The following SV2B variants were observed in gnomAD, a reference collection of about 807,000 sequenced individuals.
The protein encoded by SV2B is synaptic vesicle glycoprotein 2B, also known as solute carrier family 22 member B2.
In SV2B, 41 loss-of-function variants were observed where a neutral mutation model predicts 73.9. The observed-to-expected ratio is 0.56, with a 90% CI of 0.43 to 0.72. The LOEUF is 0.72. Ranked by LOEUF, SV2B falls within the 30% of genes least tolerant of loss-of-function variation. The probability of loss-of-function intolerance (pLI) is 0.00; values close to 1 mark genes in which losing one functional copy is unlikely to be tolerated. For synonymous variants in SV2B, 314 were observed against 314.2 expected (o/e 1.00, Z 0.01); for missense variants, 764 against 857.8 (o/e 0.89, Z 1.37).
intron 1 of SV2B, among the ~76,000 whole-genome samples, chr15:91,208,107 C>T (rs1360527764): frequency 6.6e-6 from 1 of 152,190 alleles, no homozygotes. Flanking sequence ...GTAACATTTT[C>T]TGCACCCCAT....
At chr15:91,260,443 G>T in intron 6 of SV2B, 34 bp downstream of exon 6, 8 of 1,523,326 alleles carry the variant, frequency 5.3e-6, no homozygotes, top group Non-Finnish European at 7.1e-6. Context: ...TAAGAAGGGG[G>T]TTCTCCTCTT....
In SV2B at chr15:91,290,623, TC is replaced by T. The variant is rs765254523; in HGVS notation, c.1868+945del. Among the ~76,000 whole-genome samples, 3 of 152,134 alleles carry T rather than the reference TC, an allele frequency of 2.0e-5. No homozygotes were observed. The highest frequency in any genetic ancestry group is 2.9e-5 in the Non-Finnish European group (2 of 68,022). The stretch of plus-strand genomic sequence containing the variant: ...GAAAAAGTTAAAGATGCAATTGATA[TC>T]CATTTAATAATGGCAGACGTCATAA... On this transcript the variant is annotated intron_variant, in intron 12 of 12. Transcript: ENST00000394232. The surrounding 1 kb of genome is among the most constrained non-coding windows in gnomAD (Gnocchi z 4.7).
intron 1 of SV2B, among the ~76,000 whole-genome samples, chr15:91,184,641 T>G (rs1322462655): frequency 6.6e-6 from 1 of 152,220 alleles, no homozygotes; most frequent in Non-Finnish European, 1.5e-5. Flanking sequence ...GCCAGCTGCT[T>G]CTTCCTTTGT....
At chr15:91,255,894 T>A (rs1201755562) in intron 4 of SV2B, among the ~76,000 whole-genome samples, 2 of 152,240 alleles carry the variant, frequency 1.3e-5, no homozygotes, top group African/African-American at 4.8e-5. Context: ...ATGTGCCTAA[T>A]GCATTAATCT....
intron 1 of SV2B, among the ~76,000 whole-genome samples, chr15:91,168,273 G>T (rs938299589): frequency 6.8e-6 from 1 of 146,512 alleles, no homozygotes; most frequent in Admixed American, 6.8e-5. Flanking sequence ...TTGTGAATGG[G>T]TCTACCTTTG....
At chr15:91,173,286 C>T (rs2044188149) in intron 1 of SV2B, among the ~76,000 whole-genome samples, 1 of 152,064 alleles carries the variant, frequency 6.6e-6, no homozygotes, top group Admixed American at 6.5e-5. Flanking sequence ...AAGGAGAGTG[C>T]AGGAGAAGGA....
chr15:91,153,613 G>A (rs1028460985), intron 1 of SV2B, among the ~76,000 whole-genome samples: 1 of 152,138 alleles, frequency 6.6e-6, no homozygotes, highest in African/African-American at 2.4e-5. Flanking sequence ...GAGCTCTGAT[G>A]CTGAGATAAG....
At position 91,239,899 on chromosome 15, in the gene SV2B, T is replaced by A. The variant is rs2046937888; in HGVS notation, c.452-11920T>A. Among the ~76,000 whole-genome samples, 1 of 152,134 alleles carries A rather than the reference T, an allele frequency of 6.6e-6. No homozygotes were observed. Among genetic ancestry groups the A allele is most frequent in the African/African-American group, 2.4e-5 (1 of 41,420 alleles). On this transcript the variant is annotated intron_variant, in intron 2 of 12. Coordinates refer to ENST00000394232, the MANE Select transcript of SV2B (RefSeq NM_001323032.3). This position sits in a 1 kb window ranked among gnomAD's most constrained non-coding sequence, Gnocchi z 5.1. ...ATAGCCACCATAGCTCTAATCTAAG[T>A]CCCCCGATAATGGCTTTCCAATCAC...
At chr15:91,202,405 G>A (rs1022584203) in intron 1 of SV2B, among the ~76,000 whole-genome samples, 2 of 152,152 alleles carry the variant, frequency 1.3e-5, no homozygotes, top group Non-Finnish European at 1.5e-5. Context: ...TACTCACTCT[G>A]TATTAGTCAC....
intron 2 of SV2B, among the ~76,000 whole-genome samples, chr15:91,235,594 C>T (rs2046749493): frequency 6.6e-6 from 1 of 152,132 alleles, no homozygotes; most frequent in African/African-American, 2.4e-5. Flanking sequence ...ACACAAAACA[C>T]TCATTTTATC....
intron 1 of SV2B, among the ~76,000 whole-genome samples, chr15:91,186,258 C>T (rs2044765391): frequency 6.6e-6 from 1 of 151,988 alleles, no homozygotes; most frequent in African/African-American, 2.4e-5. Context: ...TTTGGCAGCT[C>T]AATGTCATAA....
intron 1 of SV2B, among the ~76,000 whole-genome samples, chr15:91,210,088 C>T (rs1273389579): frequency 2.0e-5 from 3 of 152,104 alleles, no homozygotes; most frequent in East Asian, 1.9e-4. Flanking sequence ...GGGCCAATGA[C>T]ACCCGGGGGC....
At chr15:91,113,562 G>A (rs2042094772) in intron 1 of SV2B, among the ~76,000 whole-genome samples, 1 of 152,088 alleles carries the variant, frequency 6.6e-6, no homozygotes, top group Non-Finnish European at 1.5e-5. Context: ...CTGTAGCCTG[G>A]GTGCTCTTTA....
Position 91,270,464 on chromosome 15 carries a change from A to G in SV2B, c.1373+1859A>G, listed in dbSNP as rs559439769. Among the ~76,000 whole-genome samples the G allele has an allele frequency of 2.6e-5, 4 of 152,326 alleles. No homozygotes were observed. The East Asian group carries it at 5.8e-4, about 22-fold the overall frequency. The stretch of plus-strand genomic sequence containing the variant: ...ACAGCTAATATACATAGAAATATCT[A>G]TCTCCCAACCCATGCATTTGGACTC... On this transcript the variant is annotated intron_variant, in intron 9 of 12. Coordinates refer to ENST00000394232, the MANE Select transcript of SV2B (RefSeq NM_001323032.3).
intron 2 of SV2B, among the ~76,000 whole-genome samples, chr15:91,249,068 T>TCACATACA (rs1290015975): frequency 1.3e-3 from 184 of 142,120 alleles, no homozygotes; most frequent in African/African-American, 3.9e-3. Context: ...ATCTACGTTT[T>TCACATACA]CACACACACA....
intron 1 of SV2B, among the ~76,000 whole-genome samples, chr15:91,179,055 C>T (rs2044443692): frequency 1.3e-5 from 2 of 151,914 alleles, no homozygotes; most frequent in Middle Eastern, 3.4e-3. Context: ...CCTCTACACA[C>T]TGCTTTGAAT....
At chr15:91,262,625 C>G (rs2047950169) in intron 6 of SV2B, among the ~76,000 whole-genome samples, 2 of 152,174 alleles carry the variant, frequency 1.3e-5, no homozygotes, top group Non-Finnish European at 2.9e-5. Context: ...CCTCCACCCC[C>G]AAGTAGACCT....
chr15:91,167,493 G>A (rs1340035697), intron 1 of SV2B, among the ~76,000 whole-genome samples: 1 of 152,146 alleles, frequency 6.6e-6, no homozygotes, highest in African/African-American at 2.4e-5. Flanking sequence ...ATTTAGAGGT[G>A]CCTGCATTCC....
Position 91,292,595 on chromosome 15 carries a change from G to C in SV2B, c.*43G>C. On this transcript the variant is annotated 3_prime_UTR_variant, in exon 13 of 13. Coordinates refer to ENST00000394232, the MANE Select transcript of SV2B (RefSeq NM_001323032.3). ...GAAAGGTCGAGAGAATCTTGTCCAG[G>C]ACACTGAAATGCATCCACACTTCCT... 3 of 1,581,714 alleles carry C rather than the reference G, an allele frequency of 1.9e-6. No individual in the cohort carries two copies. The highest frequency in any genetic ancestry group is 2.6e-6 in the Non-Finnish European group (3 of 1,164,986).
Sources: allele counts gnomAD v4.1 joint callset (sites outside exome capture counted in the v4.1 genomes callset), GRCh38; gene constraint gnomAD v4.1.1; non-coding constraint Gnocchi (gnomAD v3.1); transcripts MANE v1.5; gene names NCBI Gene and HGNC (gene_info 2026-07-23, HGNC 2026-07-21).